Variants in PCDH9 observed in about 807,000 individuals in gnomAD.
PCDH9 encodes the protein protocadherin 9, also known as protocadherin-9.
PCDH9 carries 24 observed loss-of-function variants against 70.6 expected under a neutral mutation model. The observed-to-expected ratio is 0.34, with a 90% confidence interval of 0.25 to 0.48. The LOEUF is 0.48. Ranked by LOEUF, PCDH9 falls within the 20% of genes least tolerant of loss-of-function variation. The pLI is 0.99. For missense variants in PCDH9, 1,281 were observed against 1,503.6 expected (o/e 0.85, Z 2.45); for synonymous variants, 562 against 558.5 (o/e 1.01, Z -0.09).
At chr13:67,189,228 ATC>A (rs1189783053) in intron 2 of PCDH9, among the ~76,000 whole-genome samples, 192 of 137,722 alleles carry the variant, frequency 1.4e-3, no homozygotes, top group Non-Finnish European at 2.3e-3. Context: ...GTGTGTGTGT[ATC>A]TCTCTCACAA....
Position 67,225,765 on chromosome 13 carries a change from G to C in PCDH9, c.2676C>G (p.Pro892=). ...TGATAGGTTCATGAACTGCATCATC[G>C]GGTTTGGACTCTTCGATAGTAACAA... is the stretch of plus-strand genomic sequence containing the variant. ...LNFVTIEESK[P]DDAVHEPING... is the part of the protein sequence containing the mutation. The change falls in exon 2 of 5, where the codon CCC becomes CCG. Residue 892 remains proline, a synonymous_variant. Coordinates refer to ENST00000377865, the MANE Select transcript of PCDH9 (RefSeq NM_203487.3). 3 of 1,614,026 alleles carry C rather than the reference G, an allele frequency of 1.9e-6. No homozygotes were observed. The highest frequency in any genetic ancestry group is 2.5e-6 in the Non-Finnish European group (3 of 1,179,958).
chr13:66,602,612 A>AT lies in PCDH9; in HGVS notation c.3340+28597dup, dbSNP rs1359721309. Among the ~76,000 whole-genome samples, 9 of 12,454 alleles carry AT rather than the reference A, an allele frequency of 7.2e-4. 1 individual carries two copies. The highest frequency in any genetic ancestry group is 4.5e-3 in the Admixed American group (2 of 448). 8.2% of individuals were successfully genotyped at this position (12,454 alleles called of 152,430 possible). On this transcript the variant is annotated intron_variant, in intron 4 of 4. Transcript: ENST00000377865. ...CTAAGTGCTATTACAAGAGTCAAAA[A>AT]TTTTTAAAAGTAAAAGTAAGCTAAG...
At position 66,747,813 on chromosome 13, in the gene PCDH9, C is replaced by G. The variant is rs181405786; in HGVS notation, c.3139-116402G>C. Among the ~76,000 whole-genome samples the G allele has an allele frequency of 4.9e-3, 746 of 152,116 alleles. 5 individuals carry two copies. The highest frequency in any genetic ancestry group is 8.3e-3 in the Non-Finnish European group (562 of 67,996). Reference sequence around the variant, plus strand: ...TATAATCTCCACATTATTATGGAAGCCTTAAAATTTCTGTTTCATAAAAAT... The same window carrying G: ...TATAATCTCCACATTATTATGGAAGGCTTAAAATTTCTGTTTCATAAAAAT... On this transcript the variant is annotated intron_variant, in intron 3 of 4. Transcript: ENST00000377865.
At position 66,304,389 on chromosome 13, in the gene PCDH9, A is replaced by G; in HGVS notation, c.*266T>C. ...TTGTTCATAGCAGCAGTCCAGGGTC[A>G]AAATAAAATGCAATAATAAAAAAAA... On this transcript the variant is annotated 3_prime_UTR_variant, in exon 5 of 5. Transcript: ENST00000377865. The G allele has an allele frequency of 2.8e-6, 1 of 362,056 alleles. No homozygotes were observed. The highest frequency in any genetic ancestry group is 5.0e-6 in the Non-Finnish European group (1 of 199,056). 22.4% of individuals were successfully genotyped at this position (362,056 alleles called of 1,614,324 possible).
intron 3 of PCDH9, among the ~76,000 whole-genome samples, chr13:66,788,136 C>A (rs890431789): frequency 1.3e-5 from 2 of 152,090 alleles, no homozygotes; most frequent in African/African-American, 2.4e-5. Context: ...TCTTCACAAT[C>A]CCGAAGTCCA....
intron 3 of PCDH9, among the ~76,000 whole-genome samples, chr13:66,769,827 T>C (rs9317611): frequency 6.6e-6 from 1 of 151,888 alleles, no homozygotes; most frequent in Non-Finnish European, 1.5e-5. Flanking sequence ...AGTTGTGGGA[T>C]CTGACGTGAA....
chr13:66,738,161 C>G (rs1174218277), intron 3 of PCDH9, among the ~76,000 whole-genome samples: 3 of 152,122 alleles, frequency 2.0e-5, no homozygotes, highest in Non-Finnish European at 4.4e-5. Context: ...GGGCAGACGG[C>G]CTCCTCAAGT....
intron 2 of PCDH9, among the ~76,000 whole-genome samples, chr13:67,196,964 G>A (rs892413650): frequency 1.3e-5 from 2 of 151,998 alleles, no homozygotes; most frequent in Non-Finnish European, 2.9e-5. Flanking sequence ...TAAGAAGAAA[G>A]AGAATGTTAG....
At chr13:66,459,913 G>A (rs932954280) in intron 4 of PCDH9, among the ~76,000 whole-genome samples, 10 of 151,790 alleles carry the variant, frequency 6.6e-5, no homozygotes, top group Non-Finnish European at 1.2e-4. Context: ...TATTTCTCAC[G>A]TAGAATATCA....
At chr13:66,817,079 A>T (rs796702951) in intron 3 of PCDH9, among the ~76,000 whole-genome samples, 2 of 152,104 alleles carry the variant, frequency 1.3e-5, no homozygotes, top group Admixed American at 6.6e-5. Context: ...TTTGCATAGC[A>T]TGTACATTGT....
chr13:67,009,618 G>C (rs1318041893), intron 2 of PCDH9, among the ~76,000 whole-genome samples: 1 of 151,934 alleles, frequency 6.6e-6, no homozygotes, highest in East Asian at 1.9e-4. Context: ...TTAGTCAGGA[G>C]ATTTAGCCCT....
intron 3 of PCDH9, among the ~76,000 whole-genome samples, chr13:66,812,386 A>T (rs1011659332): frequency 4.6e-5 from 7 of 152,196 alleles, no homozygotes; most frequent in Admixed American, 4.6e-4. Context: ...CACCATTCCA[A>T]CCAAATCTTA....
rs531168302 is a variant in PCDH9 at position 66,631,112 on chromosome 13, A to G, written c.3340+98T>C. The G allele has an allele frequency of 8.7e-5, 59 of 677,082 alleles. No individual in the cohort carries two copies. The African/African-American group carries it at 1.0e-3, about 11-fold the overall frequency. 41.9% of individuals were successfully genotyped at this position (677,082 alleles called of 1,614,324 possible). A position where few individuals can be genotyped will look rare whatever the true frequency, so the allele number is the denominator to read the frequency against. On this transcript the variant is annotated intron_variant, in intron 4 of 4. Transcript: ENST00000377865. ...CAATAAAGCCAGCAAAAAAATAACT[A>G]AATGTTCATCCTTGCCCCCTACAAT...
intron 2 of PCDH9, among the ~76,000 whole-genome samples, chr13:67,092,961 G>GA (rs34795610): frequency 0.1 from 15,204 of 150,390 alleles, 829 homozygotes; most frequent in South Asian, 0.14. Flanking sequence ...AAAGAAGGGG[G>GA]AAAAAAAAAC....
intron 2 of PCDH9, among the ~76,000 whole-genome samples, chr13:67,099,495 G>T (rs1263589879): frequency 2.0e-5 from 3 of 152,048 alleles, no homozygotes; most frequent in African/African-American, 7.2e-5. Flanking sequence ...CAATAAATTT[G>T]GCATCTCATC....
intron 4 of PCDH9, among the ~76,000 whole-genome samples, chr13:66,354,983 G>A (rs1347586136): frequency 2.0e-5 from 3 of 152,110 alleles, no homozygotes; most frequent in Admixed American, 6.6e-5. Flanking sequence ...GGTGGGATAA[G>A]GCCTGAGAGT....
chr13:66,733,350 T>C (rs541581799), intron 3 of PCDH9, among the ~76,000 whole-genome samples: 1 of 152,256 alleles, frequency 6.6e-6, no homozygotes, highest in Non-Finnish European at 1.5e-5. Context: ...TTTTTAAATT[T>C]TAAAAAGTGC....
intron 3 of PCDH9, among the ~76,000 whole-genome samples, chr13:66,633,120 T>C (rs1164043787): frequency 1.3e-5 from 2 of 152,126 alleles, no homozygotes; most frequent in African/African-American, 4.8e-5. Flanking sequence ...AGAGATGATA[T>C]CACTTTACTG....
chr13:66,404,697 C>T lies in PCDH9; in HGVS notation c.3341-99669G>A, dbSNP rs773367169. Among the ~76,000 whole-genome samples, 8 of 152,178 alleles carry T rather than the reference C, an allele frequency of 5.3e-5. No individual in the cohort carries two copies. In the East Asian group the frequency reaches 9.7e-4, roughly 18 times the overall value. The stretch of plus-strand genomic sequence containing the variant: ...ATGTAGTTGTAAACCTTATAATTTA[C>T]GTATGCTGTTTTAGTGCATTTTTGG... On this transcript the variant is annotated intron_variant, in intron 4 of 4. Coordinates refer to ENST00000377865, the MANE Select transcript of PCDH9 (RefSeq NM_203487.3).
Sources: gnomAD v4.1 joint callset for allele counts (sites outside exome capture counted in the v4.1 genomes callset) on GRCh38, gnomAD v4.1.1 for gene constraint, MANE v1.5 for transcripts, NCBI Gene and HGNC (gene_info 2026-07-23, HGNC 2026-07-21) for gene names.